The following NECAB1 variants were observed in gnomAD, a reference collection of about 807,000 sequenced individuals.
NECAB1 encodes the protein N-terminal EF-hand calcium binding protein 1.
In NECAB1, 29 loss-of-function variants were observed where a neutral mutation model predicts 57.5. That is an observed-to-expected ratio of 0.50 (90% CI 0.38 to 0.69). The LOEUF (loss-of-function observed/expected upper bound fraction) is 0.69, where lower values mean the gene tolerates loss of function less well. Among genes scored for constraint, NECAB1 ranks in the 30% least tolerant of loss-of-function variants. The probability of loss-of-function intolerance (pLI) is 0.00; values close to 1 mark genes in which losing one functional copy is unlikely to be tolerated. For missense variants in NECAB1, 372 were observed against 413.8 expected, an observed-to-expected ratio of 0.90 and a Z score of 0.88; for synonymous variants, 142 against 147.7, an observed-to-expected ratio of 0.96 and a Z score of 0.28.
chr8:90,793,375 G>A (rs1389683038), intron 1 of NECAB1, among the ~76,000 whole-genome samples: 3 of 152,174 alleles, frequency 2.0e-5, no homozygotes, highest in Non-Finnish European at 4.4e-5. Context: ...GGCATTCTGG[G>A]CTGGTCATCT....
intron 3 of NECAB1, among the ~76,000 whole-genome samples, chr8:90,841,640 A>C (rs1812456027): frequency 6.6e-6 from 1 of 152,166 alleles, no homozygotes; most frequent in Admixed American, 6.5e-5. Context: ...TCTCCTCCTT[A>C]GGGTTTACTT....
At chr8:90,924,232 T>TA (rs2130159282) in intron 6 of NECAB1, among the ~76,000 whole-genome samples, 1 of 152,280 alleles carries the variant, frequency 6.6e-6, no homozygotes, top group South Asian at 2.1e-4. Context: ...CTGTATGCCA[T>TA]AAAACCATCA....
intron 5 of NECAB1, chr8:90,904,049 T>G (rs1809574282): frequency 6.6e-6 from 1 of 152,178 alleles, no homozygotes; most frequent in South Asian, 2.1e-4. Context: ...AAGTCTGCCC[T>G]GAGAATTTAT....
intron 4 of NECAB1, among the ~76,000 whole-genome samples, chr8:90,877,483 CCTT>C (rs1453583087): frequency 3.9e-5 from 6 of 152,144 alleles, no homozygotes; most frequent in Admixed American, 2.6e-4. Flanking sequence ...CTAGATGAGA[CCTT>C]CTCAGTTATC....
intron 6 of NECAB1, among the ~76,000 whole-genome samples, chr8:90,917,896 G>A (rs1324369253): frequency 7.4e-5 from 8 of 108,438 alleles, no homozygotes; most frequent in Non-Finnish European, 1.5e-4. Context: ...GTATATATAT[G>A]TCTGTGTGTA....
chr8:90,827,375 T>A (rs1317276047), intron 3 of NECAB1, among the ~76,000 whole-genome samples: 3 of 152,008 alleles, frequency 2.0e-5, no homozygotes, highest in Admixed American at 2.0e-4. Flanking sequence ...TCAGAGTCTA[T>A]GAACATTTGC....
intron 3 of NECAB1, among the ~76,000 whole-genome samples, chr8:90,847,894 G>A (rs190937462): frequency 2.5e-4 from 38 of 152,346 alleles, no homozygotes; most frequent in Non-Finnish European, 4.6e-4. Context: ...TGGCCTCCAG[G>A]CCTGTGATGG....
intron 8 of NECAB1, among the ~76,000 whole-genome samples, chr8:90,929,435 T>C (rs1277577153): frequency 6.6e-6 from 1 of 152,224 alleles, no homozygotes; most frequent in Non-Finnish European, 1.5e-5. Flanking sequence ...AGGTCTGAAT[T>C]TGGAAAAGTC....
chr8:90,925,396 C>A, intron 6 of NECAB1, 139 bp from the exon 7 acceptor site: 3 of 839,990 alleles, frequency 3.6e-6, no homozygotes, highest in Non-Finnish European at 5.4e-6. Context: ...GTTTCTAGAG[C>A]ATTTACAAGC....
chr8:90,950,847 GGT>G (rs1810911388), intron 11 of NECAB1, among the ~76,000 whole-genome samples: 1 of 151,786 alleles, frequency 6.6e-6, no homozygotes, highest in South Asian at 2.1e-4. Context: ...ATTTAAATTT[GGT>G]GCAATAAAAT....
intron 6 of NECAB1, among the ~76,000 whole-genome samples, chr8:90,920,554 T>G (rs1563534616): frequency 6.6e-6 from 1 of 152,190 alleles, no homozygotes; most frequent in Non-Finnish European, 1.5e-5. Flanking sequence ...TTAGGATGAA[T>G]TTTAATGGCA....
intron 2 of NECAB1, among the ~76,000 whole-genome samples, chr8:90,809,330 C>T (rs929831005): frequency 4.6e-5 from 7 of 152,146 alleles, no homozygotes; most frequent in Admixed American, 4.6e-4. Context: ...CTGTTGGCTC[C>T]ACTGTCAAAA....
chr8:90,835,003 A>ATT (rs1416515537), intron 3 of NECAB1, among the ~76,000 whole-genome samples: 18 of 128,318 alleles, frequency 1.4e-4, no homozygotes, highest in Middle Eastern at 7.4e-3. Flanking sequence ...TTTTTTTTAA[A>ATT]AAAGAGCCCG....
chr8:90,792,094 C>T, intron 1 of NECAB1, 109 bp downstream of exon 1: 1 of 845,246 alleles, frequency 1.2e-6, no homozygotes. Context: ...GTCCCCAGAA[C>T]ACAGGCGAGA....
chr8:90,932,166 A>G (rs1810426763), intron 8 of NECAB1, among the ~76,000 whole-genome samples: 1 of 152,154 alleles, frequency 6.6e-6, no homozygotes, highest in Non-Finnish European at 1.5e-5. Context: ...TGTCAGGGAA[A>G]TAGTGGTCAA....
chr8:90,802,788 T>C (rs1263844313), intron 2 of NECAB1, among the ~76,000 whole-genome samples: 4 of 152,260 alleles, frequency 2.6e-5, no homozygotes, highest in Admixed American at 1.3e-4. Context: ...AAATATTTTC[T>C]CAGACTGTGT....
At chr8:90,885,114 T>G (rs1808944374) in intron 5 of NECAB1, among the ~76,000 whole-genome samples, 1 of 152,208 alleles carries the variant, frequency 6.6e-6, no homozygotes, top group African/African-American at 2.4e-5. Flanking sequence ...TTCTAATTCA[T>G]GTGAGCATGA....
intron 7 of NECAB1, among the ~76,000 whole-genome samples, chr8:90,926,063 A>G (rs1810262000): frequency 6.6e-6 from 1 of 152,170 alleles, no homozygotes; most frequent in African/African-American, 2.4e-5. Flanking sequence ...TCATAATAGG[A>G]TTAGTCATAG....
At chr8:90,914,715 AATG>A (rs1001103807) in intron 5 of NECAB1, among the ~76,000 whole-genome samples, 1 of 152,332 alleles carries the variant, frequency 6.6e-6, no homozygotes, top group Non-Finnish European at 1.5e-5. Flanking sequence ...ATGGTGGAGC[AATG>A]ATGAGTGGCC....
Sources: gnomAD v4.1 joint callset for allele counts (sites outside exome capture counted in the v4.1 genomes callset) on GRCh38, gnomAD v4.1.1 for gene constraint, MANE v1.5 for transcripts, NCBI Gene and HGNC (gene_info 2026-07-23, HGNC 2026-07-21) for gene names.